The following ZNF774 variants were observed in gnomAD, a reference collection of about 807,000 sequenced individuals.
ZNF774 encodes zinc finger protein 774.
Under a neutral mutation model 11.1 loss-of-function variants are expected in ZNF774, and 14 were observed. The ratio of observed to expected loss-of-function variants is 1.26; its 90% CI spans 0.83 to 1.97. The LOEUF (loss-of-function observed/expected upper bound fraction) is 1.97, where lower values mean the gene tolerates loss of function less well. ZNF774 is among the 30% of genes most tolerant of loss of function. The pLI is 0.00. For synonymous variants in ZNF774, 195 were observed against 212.6 expected (o/e 0.92, Z 0.72); for missense variants, 599 against 587.0 (o/e 1.02, Z -0.21).
intron 2 of ZNF774, among the ~76,000 whole-genome samples, chr15:90,355,713 A>G (rs1964235152): frequency 1.0e-5 from 1 of 100,376 alleles, no homozygotes; most frequent in Non-Finnish European, 1.8e-5. Flanking sequence ...ATAGAGCAAG[A>G]CTCTGTCTCA....
chr15:90,362,376 G>A lies in ZNF774; in HGVS notation c.*1093G>A. 1.6e-6 allele frequency: 1 copy of A among 617,692 alleles called. No homozygotes were observed. The highest frequency in any genetic ancestry group is 2.9e-6 in the Non-Finnish European group (1 of 348,740). The allele number at this position is 617,692 out of a possible 1,614,324, so 38.3% of individuals were successfully genotyped here. A position where few individuals can be genotyped will look rare whatever the true frequency, so the allele number is the denominator to read the frequency against. On this transcript the variant is annotated 3_prime_UTR_variant, in exon 4 of 4. Transcript: ENST00000354377. ...ATATCCTACAATGAACAAGCCAGAG[G>A]GACCTGGTAGAGGACTATAAAATTG...
Position 90,360,716 on chromosome 15 carries a change from C to T in ZNF774, c.885C>T (p.Asp295=). 6.2e-7 allele frequency: 1 copy of T among 1,614,200 alleles called. No individual in the cohort carries two copies. Among genetic ancestry groups the T allele is most frequent in the East Asian group, 2.2e-5 (1 of 44,890 alleles). The change falls in exon 4 of 4, where the codon GAC becomes GAT. Residue 295 remains aspartate (D), a synonymous_variant. Coordinates refer to ENST00000354377, the MANE Select transcript of ZNF774 (RefSeq NM_001004309.3). ...HTGVKPYRCN[D]CGESFSQSSD... ...GGGTGAAGCCTTACAGGTGTAATGACTGTGGGGAGAGTTTTAGCCAGAGCT... is the reference window on the plus strand; with the variant it reads ...GGGTGAAGCCTTACAGGTGTAATGATTGTGGGGAGAGTTTTAGCCAGAGCT...
chr15:90,355,361 A>T, intron 2 of ZNF774: 1 of 455,618 alleles, frequency 2.2e-6, no homozygotes, highest in Non-Finnish European at 4.4e-6. Flanking sequence ...CCTGGGTTGG[A>T]CTCTCACCTC....
chr15:90,354,637 T>G lies in ZNF774; in HGVS notation c.-19-5T>G. On this transcript the variant is annotated splice_region_variant and splice_polypyrimidine_tract_variant and intron_variant, in intron 1 of 3. Transcript: ENST00000354377. ...ACTGATGCACATTGAGGTCTCTTGC[T>G]TTAGGAACTGATGACGCTTGATAAT... 6.4e-7 allele frequency: 1 copy of G among 1,571,932 alleles called. No individual in the cohort carries two copies. Among genetic ancestry groups the G allele is most frequent in the Admixed American group, 1.8e-5 (1 of 56,302 alleles).
rs1433480050 is a variant in ZNF774 at position 90,360,993 on chromosome 15, T to C, written c.1162T>C (p.Ser388Pro). The C allele has an allele frequency of 6.2e-7, 1 of 1,613,920 alleles. No individual in the cohort carries two copies. The highest frequency in any genetic ancestry group is 1.3e-5 in the African/African-American group (1 of 74,870). ...CTGTGGGAAAGGATTCGCCGACAGC[T>C]CCGCCCTCATTAAGCACCAACGAAT... ...ENCGKGFADS[S>P]ALIKHQRIHT... The change falls in exon 4 of 4, where the codon TCC becomes CCC. Residue 388 changes from serine to proline, a missense_variant. Transcript: ENST00000354377.
In ZNF774 at chr15:90,360,194, T is replaced by C; in HGVS notation, c.363T>C (p.His121=). The part of the protein sequence containing the change: ...WEQGLELEGQ[H]GTLPGEGQLE... Reference sequence around the variant, plus strand: ...AAGGCCTAGAATTAGAAGGGCAACATGGAACCCTTCCAGGAGAGGGCCAGC... The same window carrying C: ...AAGGCCTAGAATTAGAAGGGCAACACGGAACCCTTCCAGGAGAGGGCCAGC... Residue 121 remains histidine, a synonymous_variant, in exon 4 of 4, where the codon CAT becomes CAC. Coordinates refer to ENST00000354377, the MANE Select transcript of ZNF774 (RefSeq NM_001004309.3). 6.2e-7 allele frequency: 1 copy of C among 1,614,120 alleles called. No homozygotes were observed. The highest frequency in any genetic ancestry group is 8.5e-7 in the Non-Finnish European group (1 of 1,180,034).
chr15:90,357,541 G>T (rs919234677), intron 2 of ZNF774, among the ~76,000 whole-genome samples: 10 of 152,160 alleles, frequency 6.6e-5, no homozygotes. Context: ...CAAAAAAAGA[G>T]TCTGGGAAAA....
Position 90,362,672 on chromosome 15 carries a change from T to A in ZNF774, c.*1389T>A. 1 of 1,270,012 alleles carries A rather than the reference T, an allele frequency of 7.9e-7. No homozygotes were observed. Among genetic ancestry groups the A allele is most frequent in the Non-Finnish European group, 1.1e-6 (1 of 905,382 alleles). The allele number at this position is 1,270,012 out of a possible 1,614,324, so 78.7% of individuals were successfully genotyped here. A position where few individuals can be genotyped will look rare whatever the true frequency, so the allele number is the denominator to read the frequency against. On this transcript the variant is annotated 3_prime_UTR_variant, in exon 4 of 4. Transcript: ENST00000354377. ...GTATTTGAGTCCTGGCCCTGACGCT[T>A]AATTTGGCCAGACTTTCATCTTCTC...
chr15:90,358,809 G>A, intron 2 of ZNF774, 42 bp from the exon 3 acceptor site: 3 of 1,573,068 alleles, frequency 1.9e-6, no homozygotes, highest in East Asian at 2.3e-5. Context: ...GGCCTTGTGT[G>A]ATTGGCTCAG....
intron 1 of ZNF774, among the ~76,000 whole-genome samples, chr15:90,353,542 C>T (rs1964203147): frequency 6.7e-6 from 1 of 150,072 alleles, no homozygotes; most frequent in Non-Finnish European, 1.5e-5. Flanking sequence ...CAGTCTGGTC[C>T]TTCCTCCCTT....
chr15:90,353,686 C>G (rs746992764), intron 1 of ZNF774, among the ~76,000 whole-genome samples: 14 of 151,520 alleles, frequency 9.2e-5, no homozygotes, highest in Non-Finnish European at 1.5e-4. Context: ...GCCTGGAACT[C>G]CTGGGCTGAA....
At chr15:90,358,768 T>C in intron 2 of ZNF774, 83 bp from the exon 3 acceptor site, 2 of 1,080,280 alleles carry the variant, frequency 1.9e-6, no homozygotes, top group South Asian at 2.7e-5. Context: ...CTTCCATACC[T>C]AGGCAGGGAG....
At chr15:90,356,882 C>T (rs1469162945) in intron 2 of ZNF774, among the ~76,000 whole-genome samples, 1 of 148,310 alleles carries the variant, frequency 6.7e-6, no homozygotes, top group East Asian at 2.1e-4. Context: ...CAGGAGGATC[C>T]CTTCAGCACA....
chr15:90,355,708 G>T (rs1964235038), intron 2 of ZNF774, among the ~76,000 whole-genome samples: 1 of 107,424 alleles, frequency 9.3e-6, no homozygotes, highest in South Asian at 3.4e-4. Flanking sequence ...GGGCAATAGA[G>T]CAAGACTCTG....
At position 90,361,002 on chromosome 15, in the gene ZNF774, A is replaced by G. The variant is rs1964326461; in HGVS notation, c.1171A>G (p.Ile391Val). ...GKGFADSSAL[I>V]KHQRIHTGER... ...AGGATTCGCCGACAGCTCCGCCCTC[A>G]TTAAGCACCAACGAATCCACACCGG... The change falls in exon 4 of 4, where the codon ATT becomes GTT. Residue 391 changes from isoleucine to valine, a missense_variant. Coordinates refer to ENST00000354377, the MANE Select transcript of ZNF774 (RefSeq NM_001004309.3). The G allele has an allele frequency of 1.2e-6, 2 of 1,614,170 alleles. No individual in the cohort carries two copies. Among genetic ancestry groups the G allele is most frequent in the African/African-American group, 1.3e-5 (1 of 75,042 alleles).
chr15:90,354,075 T>A (rs992292503), intron 1 of ZNF774, among the ~76,000 whole-genome samples: 67 of 150,870 alleles, frequency 4.4e-4, no homozygotes, highest in East Asian at 2.3e-3. Flanking sequence ...TTCTTTTTTT[T>A]AAAAAAAAAA....
In ZNF774 at chr15:90,360,424, G is replaced by T. The variant is rs201354012; in HGVS notation, c.593G>T (p.Arg198Leu). The change falls in exon 4 of 4, where the codon CGC (arginine) becomes CTC (leucine). Residue 198 changes from arginine (R) to leucine (L), a missense_variant. Physicochemically the swap from Arg to Leu is moderately radical, Grantham distance 102. Transcript: ENST00000354377. ...CAGAGCTCAGACCTTGTCACCCATCGCAGAACACACACAGGAGAGAAGCCC... is the reference window on the plus strand; with the variant it reads ...CAGAGCTCAGACCTTGTCACCCATCTCAGAACACACACAGGAGAGAAGCCC... Reference protein sequence around the residue: ...FKQSSDLVTHRRTHTGEKPYQ... With the variant: ...FKQSSDLVTHLRTHTGEKPYQ... 1.9e-6 allele frequency: 3 copies of T among 1,613,124 alleles called. No homozygotes were observed. The highest frequency in any genetic ancestry group is 1.3e-5 in the African/African-American group (1 of 74,634).
intron 1 of ZNF774, among the ~76,000 whole-genome samples, 184 bp downstream of exon 1, chr15:90,352,595 A>G (rs1161058054): frequency 1.3e-5 from 2 of 151,784 alleles, no homozygotes; most frequent in African/African-American, 4.8e-5. Flanking sequence ...GGGATAAGTC[A>G]TTCTCTTAAT....
intron 3 of ZNF774, among the ~76,000 whole-genome samples, chr15:90,359,735 G>A (rs1420391289): frequency 1.3e-5 from 2 of 152,200 alleles, no homozygotes; most frequent in Non-Finnish European, 1.5e-5. Flanking sequence ...GATTATAGGC[G>A]TGAGCCACCA....
Sources: gnomAD v4.1 joint callset for allele counts (sites outside exome capture counted in the v4.1 genomes callset) on GRCh38, gnomAD v4.1.1 for gene constraint, MANE v1.5 for transcripts, NCBI Gene and HGNC (gene_info 2026-07-23, HGNC 2026-07-21) for gene names.